Variants in HKDC1 observed in about 807,000 individuals in gnomAD.
HKDC1 encodes the protein hexokinase HKDC1.
Under a neutral mutation model 96.6 loss-of-function variants are expected in HKDC1, and 66 were observed. The ratio of observed to expected loss-of-function variants is 0.68; its 90% confidence interval spans 0.56 to 0.84. HKDC1 has a LOEUF of 0.84. Among genes scored for constraint, HKDC1 ranks in the 40% least tolerant of loss-of-function variants. HKDC1 has a pLI of 0.00. For synonymous variants in HKDC1, 466 were observed against 473.1 expected, an observed-to-expected ratio of 0.98 and a Z score of 0.20; for missense variants, 1,211 against 1,208.1, an observed-to-expected ratio of 1.00 and a Z score of -0.04.
At chr10:69,246,782 C>T (rs563398102) in intron 8 of HKDC1, among the ~76,000 whole-genome samples, 3 of 152,328 alleles carry the variant, frequency 2.0e-5, no homozygotes, top group East Asian at 3.9e-4. Context: ...CGGCTGGCCC[C>T]GGTGTGACTG....
intron 4 of HKDC1, among the ~76,000 whole-genome samples, chr10:69,235,240 G>A (rs1008496205): frequency 6.6e-6 from 1 of 151,988 alleles, no homozygotes; most frequent in African/African-American, 2.4e-5. Context: ...TGGCCAACAT[G>A]GTGAAACCCC....
intron 2 of HKDC1, among the ~76,000 whole-genome samples, chr10:69,229,479 C>T (rs185797602): frequency 1.1e-4 from 16 of 152,312 alleles, no homozygotes; most frequent in Non-Finnish European, 2.2e-4. Flanking sequence ...GTGTCCTTGA[C>T]AGGGCATCTG....
chr10:69,247,257 C>A (rs897330343), intron 8 of HKDC1, 103 bp from the exon 9 acceptor site: 5 of 746,622 alleles, frequency 6.7e-6, no homozygotes, highest in African/African-American at 3.5e-5. Context: ...CATGGACCTG[C>A]CTATTAATTT....
At chr10:69,260,857 A>G (rs562017602) in intron 15 of HKDC1, among the ~76,000 whole-genome samples, 25 of 152,298 alleles carry the variant, frequency 1.6e-4, no homozygotes, top group African/African-American at 5.5e-4. Context: ...TTGTAGCACA[A>G]AGCCAAGGAG....
At chr10:69,221,987 C>G (rs1468458418) in intron 1 of HKDC1, among the ~76,000 whole-genome samples, 1 of 152,044 alleles carries the variant, frequency 6.6e-6, no homozygotes, top group African/African-American at 2.4e-5. Flanking sequence ...TTTGGGAGGC[C>G]AAGGTGGGTG....
chr10:69,250,202 TC>T, intron 10 of HKDC1, 87 bp from the exon 11 acceptor site: 1 of 1,440,786 alleles, frequency 6.9e-7, no homozygotes, highest in Non-Finnish European at 9.5e-7. Flanking sequence ...AGGCCCTGGG[TC>T]CGCTCTGCTC....
chr10:69,250,684 C>A, intron 12 of HKDC1, 32 bp downstream of exon 12: 1 of 1,609,960 alleles, frequency 6.2e-7, no homozygotes, highest in Non-Finnish European at 8.5e-7. Context: ...CACGGCCAGC[C>A]CAGTGGGCTT....
At chr10:69,256,369 G>C (rs1413787014) in intron 12 of HKDC1, among the ~76,000 whole-genome samples, 3 of 152,192 alleles carry the variant, frequency 2.0e-5, no homozygotes, top group Non-Finnish European at 4.4e-5. Flanking sequence ...ACATTTGGTA[G>C]CTTTGCCTTT....
intron 1 of HKDC1, 149 bp from the exon 2 acceptor site, chr10:69,227,058 G>A: frequency 1.3e-6 from 1 of 769,058 alleles, no homozygotes; most frequent in Non-Finnish European, 2.1e-6. Context: ...GCCTGAGGAG[G>A]GGTCAGATAG....
intron 16 of HKDC1, among the ~76,000 whole-genome samples, chr10:69,262,840 C>T (rs889493840): frequency 3.3e-5 from 5 of 152,026 alleles, no homozygotes; most frequent in African/African-American, 1.2e-4. Flanking sequence ...CGCTTGGTGA[C>T]CAAAGGGATC....
intron 4 of HKDC1, 107 bp downstream of exon 4, chr10:69,233,240 T>A: frequency 6.9e-7 from 1 of 1,454,452 alleles, no homozygotes; most frequent in Non-Finnish European, 9.3e-7. Flanking sequence ...CTTTCTTGTT[T>A]GTCTTTTTCT....
intron 15 of HKDC1, among the ~76,000 whole-genome samples, chr10:69,260,434 G>C (rs1412691264): frequency 6.6e-6 from 1 of 152,222 alleles, no homozygotes; most frequent in Non-Finnish European, 1.5e-5. Flanking sequence ...CTTTGTGTCT[G>C]TAGCCACTGA....
chr10:69,236,780 C>CAA (rs11294938), intron 4 of HKDC1, among the ~76,000 whole-genome samples: 1 of 133,670 alleles, frequency 7.5e-6, no homozygotes. Context: ...AACTTCGTTT[C>CAA]AAAAAAAAAA....
At chr10:69,241,669 C>T (rs1302189739) in intron 6 of HKDC1, among the ~76,000 whole-genome samples, 1 of 152,014 alleles carries the variant, frequency 6.6e-6, no homozygotes, top group Non-Finnish European at 1.5e-5. Context: ...ATTTTTAGTA[C>T]AGATGGGGTT....
chr10:69,261,108 T>A, intron 15 of HKDC1, 31 bp from the exon 16 acceptor site: 1 of 1,598,234 alleles, frequency 6.3e-7, no homozygotes, highest in Middle Eastern at 1.7e-4. Context: ...ATTGCAGGTC[T>A]GCCCCAACCT....
chr10:69,224,396 G>A (rs1843115873), intron 1 of HKDC1, among the ~76,000 whole-genome samples: 1 of 151,968 alleles, frequency 6.6e-6, no homozygotes, highest in Non-Finnish European at 1.5e-5. Context: ...CCATTCTCCT[G>A]CCTCAGCCTC....
intron 12 of HKDC1, among the ~76,000 whole-genome samples, chr10:69,256,645 T>C (rs1564735914): frequency 6.6e-6 from 1 of 150,718 alleles, no homozygotes; most frequent in East Asian, 2.0e-4. Flanking sequence ...GAAGTGGAGG[T>C]TGTAGTGAGC....
chr10:69,255,752 A>G (rs1843708875), intron 12 of HKDC1, among the ~76,000 whole-genome samples: 1 of 152,056 alleles, frequency 6.6e-6, no homozygotes, highest in Admixed American at 6.5e-5. Context: ...CCTCGTCTCT[A>G]CTAAAAATAC....
intron 15 of HKDC1, 64 bp downstream of exon 15, chr10:69,259,023 G>C: frequency 1.5e-6 from 2 of 1,298,132 alleles, no homozygotes; most frequent in Non-Finnish European, 2.1e-6. Flanking sequence ...CAGACCTAAG[G>C]GGGTACCATA....
Sources: allele counts gnomAD v4.1 joint callset (sites outside exome capture counted in the v4.1 genomes callset), GRCh38; gene constraint gnomAD v4.1.1; transcripts MANE v1.5; gene names NCBI Gene and HGNC (gene_info 2026-07-23, HGNC 2026-07-21).